Variants in HEATR5A observed in about 807,000 individuals in gnomAD.
HEATR5A encodes the protein HEAT repeat-containing protein 5A.
HEATR5A carries 178 observed loss-of-function variants against 218.8 expected under a neutral mutation model. The ratio of observed to expected loss-of-function variants is 0.81; its 90% CI spans 0.72 to 0.92. The LOEUF is 0.92. Among genes scored for constraint, HEATR5A ranks in the 40% least tolerant of loss-of-function variants. HEATR5A has a pLI of 0.00. For missense variants in HEATR5A, 2,420 were observed against 2,418.9 expected, an observed-to-expected ratio of 1.00 and a Z score of -0.01; for synonymous variants, 864 against 871.6, an observed-to-expected ratio of 0.99 and a Z score of 0.15.
At chr14:31,349,716 G>T (rs1045701429) in intron 18 of HEATR5A, 73 bp downstream of exon 18, 6 of 948,166 alleles carry the variant, frequency 6.3e-6, no homozygotes, top group Admixed American at 4.9e-5. Context: ...GATCTTACTA[G>T]TTCCAACAAG....
intron 13 of HEATR5A, among the ~76,000 whole-genome samples, chr14:31,371,244 T>C (rs1902026926): frequency 6.6e-6 from 1 of 152,228 alleles, no homozygotes; most frequent in Non-Finnish European, 1.5e-5. Context: ...CACAAACCTT[T>C]GCTCAGGCTG....
At chr14:31,408,459 T>C (rs1049484628) in intron 1 of HEATR5A, among the ~76,000 whole-genome samples, 24 of 152,304 alleles carry the variant, frequency 1.6e-4, no homozygotes, top group Admixed American at 5.2e-4. Context: ...ATAATGCCTT[T>C]CTAGATGTCC....
chr14:31,327,539 C>T (rs1195357033), intron 22 of HEATR5A, among the ~76,000 whole-genome samples: 1 of 151,726 alleles, frequency 6.6e-6, no homozygotes, highest in Non-Finnish European at 1.5e-5. Context: ...GATCCACATG[C>T]CTAGGCCTCC....
chr14:31,360,944 A>G (rs959328756), intron 14 of HEATR5A, among the ~76,000 whole-genome samples: 3 of 152,180 alleles, frequency 2.0e-5, no homozygotes, highest in Non-Finnish European at 4.4e-5. Context: ...AGCTGAGATT[A>G]CACACGGTGC....
At chr14:31,350,760 T>TTTTG (rs10602248) in intron 16 of HEATR5A, 43 bp from the exon 17 acceptor site, 12,009 of 681,146 alleles carry the variant, frequency 0.018, 261 homozygotes, top group African/African-American at 0.089. Flanking sequence ...GTAGGTAAGT[T>TTTTG]TTTGTTTGTT....
In HEATR5A at chr14:31,358,623, T is replaced by C. The variant is rs368833780; in HGVS notation, c.2411+14A>G. On this transcript the variant is annotated intron_variant, in intron 16 of 35. Transcript: ENST00000543095. ...TCTCTATTATCCATTCACTGAACCA[T>C]TGAAGATATTTACCTTTGAGTTTCT... The C allele has an allele frequency of 1.2e-5, 19 of 1,608,806 alleles. No individual in the cohort carries two copies. Among genetic ancestry groups the C allele is most frequent in the South Asian group, 2.2e-5 (2 of 90,540 alleles).
At chr14:31,374,419 G>C (rs1450246668) in intron 12 of HEATR5A, among the ~76,000 whole-genome samples, 2 of 151,388 alleles carry the variant, frequency 1.3e-5, no homozygotes, top group Non-Finnish European at 2.9e-5. Context: ...ACAGATTTTT[G>C]ACTTCGAGGC....
intron 4 of HEATR5A, among the ~76,000 whole-genome samples, chr14:31,397,287 A>AT: frequency 6.6e-6 from 1 of 151,948 alleles, no homozygotes; most frequent in East Asian, 1.9e-4. Context: ...TCTCTAGATT[A>AT]TTTTTGTAAA....
chr14:31,346,120 A>T (rs1225720519), intron 19 of HEATR5A, among the ~76,000 whole-genome samples: 1 of 152,252 alleles, frequency 6.6e-6, no homozygotes, highest in Non-Finnish European at 1.5e-5. Context: ...CAATGGATGT[A>T]TAAGAAAGCT....
Position 31,394,169 on chromosome 14 carries a change from C to T in HEATR5A, c.655G>A (p.Val219Met), listed in dbSNP as rs759224308. Residue 219 changes from valine to methionine, a missense_variant, in exon 6 of 36, where the codon GTG becomes ATG. Physicochemically the swap from Val to Met is conservative, Grantham distance 21. Coordinates refer to ENST00000543095, the MANE Select transcript of HEATR5A (RefSeq NM_015473.4). ...IFMWSTDLDS[V>M]ATLCFKSFEG... is the part of the protein sequence containing the mutation. ...AAGGACTTAAAACACAGTGTGGCCA[C>T]ACTGTCCAGGTCCGTACTCCACATA... 7.2e-6 allele frequency: 11 copies of T among 1,534,876 alleles called. No individual in the cohort carries two copies. The South Asian group carries it at 1.3e-4, about 18-fold the overall frequency.
intron 22 of HEATR5A, among the ~76,000 whole-genome samples, chr14:31,334,037 C>CAA (rs58087742): frequency 0.52 from 46,023 of 87,926 alleles, 13,648 homozygotes; most frequent in South Asian, 0.7. Context: ...GACCCTGTCT[C>CAA]AAAAAAAAAA....
At chr14:31,380,637 A>G (rs2029940811) in intron 10 of HEATR5A, 59 bp from the exon 11 acceptor site, 1 of 1,015,406 alleles carries the variant, frequency 9.8e-7, no homozygotes, top group African/African-American at 1.6e-5. Context: ...TTACTAAATG[A>G]TAGCAGCTAA....
intron 34 of HEATR5A, chr14:31,295,572 T>C (rs1011134125): frequency 6.5e-6 from 1 of 153,320 alleles, no homozygotes; most frequent in Non-Finnish European, 1.4e-5. Context: ...TTTTTTTTTT[T>C]TTTTTTTTTA....
At chr14:31,337,966 T>C (rs1230805093) in intron 21 of HEATR5A, among the ~76,000 whole-genome samples, 1 of 152,210 alleles carries the variant, frequency 6.6e-6, no homozygotes, top group Non-Finnish European at 1.5e-5. Context: ...TTTGTGTTCA[T>C]GCAACTATAT....
chr14:31,353,147 C>T (rs1901292184), intron 16 of HEATR5A, among the ~76,000 whole-genome samples: 1 of 151,644 alleles, frequency 6.6e-6, no homozygotes, highest in Non-Finnish European at 1.5e-5. Context: ...CTACAAAGAG[C>T]CGCCATTAAC....
chr14:31,411,475 T>C (rs1213397310), intron 1 of HEATR5A, among the ~76,000 whole-genome samples: 2 of 152,130 alleles, frequency 1.3e-5, no homozygotes, highest in Non-Finnish European at 2.9e-5. Context: ...AAGAGAAACC[T>C]TCAGATAAAG....
chr14:31,382,273 T>A (rs2030023021), intron 10 of HEATR5A, among the ~76,000 whole-genome samples: 1 of 152,228 alleles, frequency 6.6e-6, no homozygotes, highest in African/African-American at 2.4e-5. Context: ...AATCTCATCT[T>A]CCAAAGTTGT....
At chr14:31,295,778 A>T in intron 34 of HEATR5A, 131 bp downstream of exon 34, 1 of 685,224 alleles carries the variant, frequency 1.5e-6, no homozygotes, top group Non-Finnish European at 2.4e-6. Context: ...AATAGAAATT[A>T]ATCTTAAATC....
chr14:31,362,324 A>G (rs186621045), intron 14 of HEATR5A, among the ~76,000 whole-genome samples: 6 of 152,096 alleles, frequency 3.9e-5, no homozygotes, highest in East Asian at 3.9e-4. Context: ...CTCCTAATGA[A>G]CACTGTGGAA....
Sources: allele counts gnomAD v4.1 joint callset (sites outside exome capture counted in the v4.1 genomes callset), GRCh38; gene constraint gnomAD v4.1.1; transcripts MANE v1.5; gene names NCBI Gene and HGNC (gene_info 2026-07-23, HGNC 2026-07-21).